TAFA1: variants seen among roughly 807,000 people sequenced by gnomAD.
The protein encoded by TAFA1 is TAFA chemokine like family member 1, also known as chemokine-like protein TAFA-1.
A neutral mutation model predicts 18.5 loss-of-function variants in TAFA1; 4 were observed. That is an observed-to-expected ratio of 0.22 (90% confidence interval 0.11 to 0.49). TAFA1 has a LOEUF of 0.49. Among genes scored for constraint, TAFA1 ranks in the 20% least tolerant of loss-of-function variants. The pLI is 0.98. For missense variants in TAFA1, 147 were observed against 169.0 expected (o/e 0.87, Z 0.72); for synonymous variants, 56 against 55.2 (o/e 1.01, Z -0.06).
At chr3:68,459,092 T>A (rs1443421317) in intron 3 of TAFA1, among the ~76,000 whole-genome samples, 51 of 152,106 alleles carry the variant, frequency 3.4e-4, no homozygotes, top group Non-Finnish European at 2.9e-5. Context: ...AAGCAGCCAT[T>A]CTATCCCCAC....
chr3:68,221,841 T>A (rs2066734720), intron 2 of TAFA1, among the ~76,000 whole-genome samples: 1 of 152,172 alleles, frequency 6.6e-6, no homozygotes, highest in African/African-American at 2.4e-5. Context: ...GAGACACCAC[T>A]AACAATCACA....
intron 2 of TAFA1, among the ~76,000 whole-genome samples, chr3:68,083,424 T>A (rs6548977): frequency 0.96 from 146,747 of 152,346 alleles, 70,699 homozygotes; most frequent in South Asian, 0.97. Flanking sequence ...AGGGAAGAAC[T>A]CCACAAAGTG....
intron 2 of TAFA1, among the ~76,000 whole-genome samples, chr3:68,373,575 C>G (rs1397347429): frequency 6.6e-6 from 1 of 152,162 alleles, no homozygotes; most frequent in Non-Finnish European, 1.5e-5. Context: ...TGCCCTCTTT[C>G]TGCTTTGTTT....
intron 2 of TAFA1, among the ~76,000 whole-genome samples, chr3:68,353,286 G>T (rs2069303061): frequency 6.6e-6 from 1 of 152,026 alleles, no homozygotes; most frequent in African/African-American, 2.4e-5. Context: ...TTGTTTCTTT[G>T]GTTGTCTCTG....
chr3:68,171,483 G>A (rs1178575849), intron 2 of TAFA1, among the ~76,000 whole-genome samples: 2 of 152,134 alleles, frequency 1.3e-5, no homozygotes, highest in East Asian at 1.9e-4. Context: ...CAATAGAAAT[G>A]TAATAAGGGG....
intron 2 of TAFA1, among the ~76,000 whole-genome samples, chr3:68,224,195 A>G (rs182237748): frequency 6.6e-6 from 1 of 152,116 alleles, no homozygotes; most frequent in East Asian, 1.9e-4. Context: ...ATAAAGGTAA[A>G]TGTAGGCAAA....
intron 2 of TAFA1, among the ~76,000 whole-genome samples, chr3:68,226,943 T>C (rs143293290): frequency 6.6e-6 from 1 of 152,230 alleles, no homozygotes; most frequent in African/African-American, 2.4e-5. Context: ...TGACTAGCAG[T>C]TCAGAGGAGT....
intron 2 of TAFA1, among the ~76,000 whole-genome samples, chr3:68,268,053 G>A (rs912003702): frequency 4.9e-4 from 75 of 152,236 alleles, no homozygotes; most frequent in African/African-American, 1.8e-3. Context: ...TCTTTGTGTT[G>A]AAAAATTTCT....
chr3:68,474,543 C>A (rs1268877684), intron 3 of TAFA1, among the ~76,000 whole-genome samples: 2 of 152,208 alleles, frequency 1.3e-5, no homozygotes, highest in African/African-American at 4.8e-5. Context: ...AAGGTATGAA[C>A]TCAATGTGCA....
chr3:68,174,879 C>T (rs7641990), intron 2 of TAFA1, among the ~76,000 whole-genome samples: 28,903 of 152,086 alleles, frequency 0.19, 3,098 homozygotes, highest in Middle Eastern at 0.28. Context: ...ATGGCTGCCC[C>T]TCCCATCACA....
Position 68,254,462 on chromosome 3 carries a change from A to G in TAFA1, c.119-162818A>G, listed in dbSNP as rs2067259639. Among the ~76,000 whole-genome samples, 4 of 152,214 alleles carry G rather than the reference A, an allele frequency of 2.6e-5. 1 individual carries two copies. The South Asian group carries it at 8.3e-4, about 32-fold the overall frequency. On this transcript the variant is annotated intron_variant, in intron 2 of 4. Transcript: ENST00000478136. The stretch of plus-strand genomic sequence containing the variant: ...CAGAAGACTTTTTTAAACCTGGAAG[A>G]AAGATACTTGTAACATCATTTGCAT...
chr3:68,011,061 T>C (rs1704461183), intron 2 of TAFA1, among the ~76,000 whole-genome samples: 1 of 150,566 alleles, frequency 6.6e-6, no homozygotes, highest in African/African-American at 2.4e-5. Flanking sequence ...GGATGAGTTT[T>C]TCCCCTTATG....
chr3:68,188,499 A>ATC (rs1292734843), intron 2 of TAFA1, among the ~76,000 whole-genome samples: 1 of 85,268 alleles, frequency 1.2e-5, no homozygotes, highest in Non-Finnish European at 2.5e-5. Context: ...ATGTATGTGT[A>ATC]TATATATTTA....
chr3:68,301,693 A>T (rs2068305238), intron 2 of TAFA1, among the ~76,000 whole-genome samples: 1 of 152,152 alleles, frequency 6.6e-6, no homozygotes, highest in Non-Finnish European at 1.5e-5. Context: ...TAAGATAATG[A>T]GGTCATAACT....
At chr3:68,010,396 T>C (rs1046970014) in intron 2 of TAFA1, among the ~76,000 whole-genome samples, 2 of 152,164 alleles carry the variant, frequency 1.3e-5, no homozygotes, top group Non-Finnish European at 2.9e-5. Flanking sequence ...CTCACCTGGA[T>C]GGCACCAGCC....
intron 2 of TAFA1, among the ~76,000 whole-genome samples, chr3:68,120,167 C>CTT (rs2065372477): frequency 1.4e-5 from 2 of 147,580 alleles, no homozygotes; most frequent in Middle Eastern, 3.5e-3. Context: ...CTTTCTCTTT[C>CTT]TTTCTCTTTC....
At chr3:68,022,961 C>T (rs973048633) in intron 2 of TAFA1, among the ~76,000 whole-genome samples, 3 of 146,398 alleles carry the variant, frequency 2.0e-5, no homozygotes, top group Non-Finnish European at 3.0e-5. Flanking sequence ...GAGAAAGTTA[C>T]TCTTGTTTTT....
chr3:68,314,964 A>T (rs1222714499), intron 2 of TAFA1, among the ~76,000 whole-genome samples: 2 of 148,418 alleles, frequency 1.3e-5, no homozygotes, highest in Non-Finnish European at 3.0e-5. Flanking sequence ...AACATTGAAT[A>T]AGAGAAAAAG....
intron 2 of TAFA1, among the ~76,000 whole-genome samples, chr3:68,320,092 A>G (rs1171466186): frequency 6.6e-6 from 1 of 152,214 alleles, no homozygotes. Flanking sequence ...TCACCATTTG[A>G]GGTGAGGGTA....
Sources: gnomAD v4.1 joint callset for allele counts (sites outside exome capture counted in the v4.1 genomes callset) on GRCh38, gnomAD v4.1.1 for gene constraint, MANE v1.5 for transcripts, NCBI Gene and HGNC (gene_info 2026-07-23, HGNC 2026-07-21) for gene names.